RGS10: variants seen among roughly 807,000 people sequenced by gnomAD.
RGS10 encodes the protein regulator of G protein signaling 10, also known as regulator of G-protein signalling 10.
Under a neutral mutation model 23.5 loss-of-function variants are expected in RGS10, and 11 were observed. The ratio of observed to expected loss-of-function variants is 0.47; its 90% CI spans 0.29 to 0.77. The LOEUF is 0.77. Ranked by LOEUF, RGS10 falls within the 30% of genes least tolerant of loss-of-function variation. RGS10 has a pLI of 0.08. For synonymous variants in RGS10, 77 were observed against 83.2 expected (o/e 0.92, Z 0.41); for missense variants, 180 against 226.3 (o/e 0.80, Z 1.31).
chr10:119,515,699 C>T (rs1309646592), intron 3 of RGS10, 47 bp from the exon 4 acceptor site: 2 of 1,608,146 alleles, frequency 1.2e-6, no homozygotes, highest in Non-Finnish European at 1.7e-6. Flanking sequence ...ACACAGCCTT[C>T]CCGGCCTGAG....
Position 119,526,037 on chromosome 10 carries a change from T to C in RGS10, c.250A>G (p.Thr84Ala). ...TATCAGAGTGGAGGAAATACCTGCG[T>C]CTTATCTTGCATTTTCTTAAAATCT... The part of the protein sequence containing the change: ...CEDFKKMQDK[T>A]QMQEKAKEIY... Residue 84 changes from threonine (T) to alanine (A), a missense_variant, in exon 3 of 5, where the codon ACG becomes GCG. Transcript: ENST00000369103. 1.3e-6 allele frequency: 2 copies of C among 1,554,318 alleles called. No homozygotes were observed. The highest frequency in any genetic ancestry group is 1.7e-4 in the Middle Eastern group (1 of 5,912).
chr10:119,523,863 C>T (rs1844245191), intron 3 of RGS10, among the ~76,000 whole-genome samples: 1 of 152,194 alleles, frequency 6.6e-6, no homozygotes, highest in African/African-American at 2.4e-5. Context: ...CCTACAGGGG[C>T]TTTCCCAGCC....
intron 4 of RGS10, among the ~76,000 whole-genome samples, chr10:119,511,076 A>T (rs909695239): frequency 6.6e-6 from 1 of 152,140 alleles, no homozygotes; most frequent in African/African-American, 2.4e-5. Flanking sequence ...CCCTGAAGAA[A>T]CCACCTCTTT....
intron 4 of RGS10, among the ~76,000 whole-genome samples, chr10:119,511,014 G>A (rs1035122769): frequency 3.3e-5 from 5 of 152,042 alleles, no homozygotes; most frequent in Non-Finnish European, 5.9e-5. Context: ...CACCACGCCC[G>A]GCCGTAATAC....
intron 3 of RGS10, among the ~76,000 whole-genome samples, chr10:119,521,545 G>C (rs1217431917): frequency 6.7e-6 from 1 of 148,250 alleles, no homozygotes; most frequent in South Asian, 2.1e-4. Flanking sequence ...ACTCCAGCCT[G>C]GGCAACAAGA....
chr10:119,533,398 AAAGT>A (rs1177102563), intron 1 of RGS10, among the ~76,000 whole-genome samples: 9 of 152,214 alleles, frequency 5.9e-5, no homozygotes, highest in East Asian at 1.9e-4. Flanking sequence ...GAAGCAGGTT[AAAGT>A]AAGTAAGTAA....
At chr10:119,502,133 G>GAA (rs147870396) in intron 4 of RGS10, among the ~76,000 whole-genome samples, 4 of 146,212 alleles carry the variant, frequency 2.7e-5, no homozygotes, top group African/African-American at 7.5e-5. Context: ...GAGGTTTACA[G>GAA]AAAAAAAAAA....
chr10:119,505,671 C>T (rs115942023), intron 4 of RGS10, among the ~76,000 whole-genome samples: 1,905 of 152,222 alleles, frequency 0.013, 45 homozygotes, highest in African/African-American at 0.044. Flanking sequence ...CCAAATGTGC[C>T]GCTCCAGGAA....
At chr10:119,509,099 T>TA (rs1323316093) in intron 4 of RGS10, among the ~76,000 whole-genome samples, 13 of 151,900 alleles carry the variant, frequency 8.6e-5, no homozygotes, top group South Asian at 8.3e-4. Flanking sequence ...AGACCCAGTA[T>TA]AAAAAAAATT....
At position 119,542,639 on chromosome 10, in the gene RGS10, C is replaced by G; in HGVS notation, c.-1G>C. The G allele has an allele frequency of 7.1e-7, 1 of 1,403,680 alleles. No individual in the cohort carries two copies. Among genetic ancestry groups the G allele is most frequent in the Non-Finnish European group, 9.3e-7 (1 of 1,075,400 alleles). The allele number at this position is 1,403,680 out of a possible 1,614,324, so 87.0% of individuals were successfully genotyped here. ...GCCGGCTCACGGCGCGGTTGAACAT[C>G]GCCGCGGGCGCCCGAGGAGGAAGAA... On this transcript the variant is annotated 5_prime_UTR_variant, in exon 1 of 5. Transcript: ENST00000369103.
intron 4 of RGS10, among the ~76,000 whole-genome samples, chr10:119,503,501 G>A (rs1376503133): frequency 1.3e-5 from 2 of 152,220 alleles, no homozygotes; most frequent in Admixed American, 1.3e-4. Flanking sequence ...ATCGTGCGCT[G>A]TGCAGCAGCA....
chr10:119,509,434 A>T (rs34710918), intron 4 of RGS10, among the ~76,000 whole-genome samples: 11,335 of 148,224 alleles, frequency 0.076, 572 homozygotes, highest in African/African-American at 0.14. Context: ...ACAAAAAATT[A>T]AAAAAAAAAA....
intron 1 of RGS10, among the ~76,000 whole-genome samples, chr10:119,531,463 C>T (rs1019010454): frequency 6.6e-6 from 1 of 152,196 alleles, no homozygotes; most frequent in African/African-American, 2.4e-5. Context: ...ATTTAGCCAA[C>T]AAAATGTCTG....
chr10:119,520,601 G>A (rs1436765483), intron 3 of RGS10, among the ~76,000 whole-genome samples: 4 of 152,090 alleles, frequency 2.6e-5, no homozygotes, highest in South Asian at 2.1e-4. Flanking sequence ...ACGCCGAACC[G>A]AATAAAGGGA....
At position 119,527,618 on chromosome 10, in the gene RGS10, C is replaced by T. The variant is rs945306752; in HGVS notation, c.50-194G>A. On this transcript the variant is annotated intron_variant, in intron 1 of 4. Coordinates refer to ENST00000369103, the MANE Select transcript of RGS10 (RefSeq NM_001005339.2). This position sits in a 1 kb window ranked among gnomAD's most constrained non-coding sequence, Gnocchi z 4.2. Reference sequence around the variant, plus strand: ...CCCTGTAAGGCAGGCACTACTATTTCCTCCATTTTACAGATGGGGGTAAAC... The same window carrying T: ...CCCTGTAAGGCAGGCACTACTATTTTCTCCATTTTACAGATGGGGGTAAAC... The T allele has an allele frequency of 3.5e-5, 20 of 567,664 alleles. No individual in the cohort carries two copies. Among genetic ancestry groups the T allele is most frequent in the Non-Finnish European group, 5.7e-5 (18 of 318,334 alleles). 35.2% of individuals were successfully genotyped at this position (567,664 alleles called of 1,614,324 possible). A position where few individuals can be genotyped will look rare whatever the true frequency, so the allele number is the denominator to read the frequency against.
rs1844391362 is a variant in RGS10, at chr10:119,536,561, GC to G, written c.49+6028del. On this transcript the variant is annotated intron_variant, in intron 1 of 4. Transcript: ENST00000369103. ...GTGTGAGAAAGGCAGAGACTGGAGGGCTCCCGAGCACCCTTGGGTCCGAAGA... is the reference window on the plus strand; with the variant it reads ...GTGTGAGAAAGGCAGAGACTGGAGGGTCCCGAGCACCCTTGGGTCCGAAGA... 14 of 1,556,754 alleles carry G rather than the reference GC, an allele frequency of 9.0e-6. No individual in the cohort carries two copies. In the South Asian group the frequency reaches 1.5e-4, roughly 17 times the overall value.
At chr10:119,500,351 C>T (rs1201817747) in intron 4 of RGS10, 92 bp from the exon 5 acceptor site, 2 of 1,155,976 alleles carry the variant, frequency 1.7e-6, no homozygotes, top group African/African-American at 3.1e-5. Context: ...TACCATGTGC[C>T]AAAGAATACT....
intron 4 of RGS10, among the ~76,000 whole-genome samples, chr10:119,510,660 CA>C (rs781669141): frequency 6.6e-6 from 1 of 152,146 alleles, no homozygotes; most frequent in Non-Finnish European, 1.5e-5. Flanking sequence ...AATAAAACAA[CA>C]AATCCACAAA....
intron 3 of RGS10, among the ~76,000 whole-genome samples, chr10:119,522,290 G>A (rs1159183807): frequency 2.6e-5 from 4 of 152,174 alleles, no homozygotes; most frequent in Non-Finnish European, 4.4e-5. Context: ...CAACAGAGGC[G>A]AGAGTGGGAT....
Sources: allele counts gnomAD v4.1 joint callset (sites outside exome capture counted in the v4.1 genomes callset), GRCh38; gene constraint gnomAD v4.1.1; non-coding constraint Gnocchi (gnomAD v3.1); transcripts MANE v1.5; gene names NCBI Gene and HGNC (gene_info 2026-07-23, HGNC 2026-07-21).